The following BMPR1A variants were observed in gnomAD, a reference collection of about 807,000 sequenced individuals.
BMPR1A encodes bone morphogenetic protein receptor type-1A.
Under a neutral mutation model 66.0 loss-of-function variants are expected in BMPR1A, and 7 were observed. The observed-to-expected ratio is 0.11, with a 90% CI of 0.06 to 0.20. The LOEUF (loss-of-function observed/expected upper bound fraction) is 0.20, where lower values mean the gene tolerates loss of function less well. BMPR1A is among the 10% of genes least tolerant of loss of function. BMPR1A has a pLI of 1.00. For missense variants in BMPR1A, 408 were observed against 669.1 expected, an observed-to-expected ratio of 0.61 and a Z score of 4.31; for synonymous variants, 200 against 229.7, an observed-to-expected ratio of 0.87 and a Z score of 1.17.
chr10:86,839,932 G>A (rs557229962), intron 2 of BMPR1A, among the ~76,000 whole-genome samples: 4 of 152,204 alleles, frequency 2.6e-5, no homozygotes, highest in Admixed American at 6.5e-5. Flanking sequence ...AAAGTGCTGG[G>A]ATTACAGGCA....
chr10:86,791,215 CT>C (rs33919307), intron 1 of BMPR1A, among the ~76,000 whole-genome samples: 54,819 of 141,590 alleles, frequency 0.39, 10,145 homozygotes, highest in East Asian at 0.7. Flanking sequence ...TCAGTGCTTG[CT>C]TTTTTTTTTT....
chr10:86,821,144 A>G (rs4933415), intron 1 of BMPR1A, among the ~76,000 whole-genome samples: 47,404 of 152,090 alleles, frequency 0.31, 8,452 homozygotes, highest in East Asian at 0.69. Flanking sequence ...GTGGCATAAC[A>G]TTTGTAGTTA....
At chr10:86,841,097 A>T (rs975752995) in intron 2 of BMPR1A, among the ~76,000 whole-genome samples, 1 of 152,210 alleles carries the variant, frequency 6.6e-6, no homozygotes, top group Non-Finnish European at 1.5e-5. Flanking sequence ...AAGATAGTGT[A>T]GCTTTGCCTT....
downstream of BMPR1A, chr10:86,931,902 T>C (rs1843814188): frequency 1.3e-5 from 2 of 152,236 alleles, no homozygotes; most frequent in African/African-American, 2.4e-5. Flanking sequence ...CCTAGATGTT[T>C]CTTCCATAAT....
intron 1 of BMPR1A, among the ~76,000 whole-genome samples, chr10:86,760,927 A>G (rs1383963167): frequency 6.6e-6 from 1 of 152,232 alleles, no homozygotes; most frequent in East Asian, 1.9e-4. Flanking sequence ...CAGTAGTGTT[A>G]CAGACCACTT....
intron 2 of BMPR1A, among the ~76,000 whole-genome samples, chr10:86,845,615 T>C (rs1049705893): frequency 6.6e-6 from 1 of 152,190 alleles, no homozygotes. Flanking sequence ...TCTGCTGTGG[T>C]CTGCCCCTTT....
chr10:86,823,332 T>A (rs927245952), intron 1 of BMPR1A, among the ~76,000 whole-genome samples: 5 of 152,232 alleles, frequency 3.3e-5, no homozygotes, highest in African/African-American at 1.2e-4. Context: ...TGCCTGGCAC[T>A]GTTCTAAGTG....
chr10:86,797,232 T>TC (rs1208301318), intron 1 of BMPR1A, among the ~76,000 whole-genome samples: 1 of 112,444 alleles, frequency 8.9e-6, no homozygotes, highest in Non-Finnish European at 2.0e-5. Context: ...GCCCGGCTAA[T>TC]TTTTTTTTTT....
intron 8 of BMPR1A, among the ~76,000 whole-genome samples, chr10:86,913,594 A>G (rs55802203): frequency 0.056 from 8,534 of 152,250 alleles, 606 homozygotes; most frequent in African/African-American, 0.16. Flanking sequence ...AGGTTGCAGA[A>G]TACAGAGTCA....
intron 1 of BMPR1A, among the ~76,000 whole-genome samples, chr10:86,800,672 C>T (rs1841800233): frequency 6.6e-6 from 1 of 152,188 alleles, no homozygotes. Context: ...GGATTACAGG[C>T]ATGAGCCACC....
Position 86,838,934 on chromosome 10 carries a change from T to G in BMPR1A, c.-198T>G, listed in dbSNP as rs563500924. The G allele has an allele frequency of 5.9e-5, 9 of 152,310 alleles. No individual in the cohort carries two copies. In the South Asian group the frequency reaches 1.9e-3, roughly 32 times the overall value. 9.4% of individuals were successfully genotyped at this position (152,310 alleles called of 1,614,324 possible). On this transcript the variant is annotated 5_prime_UTR_variant, in exon 2 of 13. Transcript: ENST00000372037. ...GAGATGGAAGCATAGGTCAAAGCTG[T>G]TTGGAGAAAATCAGAAGTACAGTTT...
chr10:86,834,853 T>C (rs942780811), intron 1 of BMPR1A, among the ~76,000 whole-genome samples: 2 of 152,170 alleles, frequency 1.3e-5, no homozygotes, highest in Admixed American at 6.5e-5. Flanking sequence ...ATATAGATTG[T>C]TTTGTAATTT....
At chr10:86,855,920 A>G in intron 2 of BMPR1A, 1 of 653,976 alleles carries the variant, frequency 1.5e-6, no homozygotes, top group Non-Finnish European at 2.8e-6. Flanking sequence ...AGGATTGTTG[A>G]TATCTGATGT....
chr10:86,826,724 AT>A (rs1842201097), intron 1 of BMPR1A, among the ~76,000 whole-genome samples: 1 of 151,880 alleles, frequency 6.6e-6, no homozygotes, highest in African/African-American at 2.4e-5. Context: ...ATAGTTTAGT[AT>A]TTGTTTTAAT....
At position 86,890,803 on chromosome 10, in the gene BMPR1A, C is replaced by T. The variant is rs1410645847; in HGVS notation, c.230+579C>T. Among the ~76,000 whole-genome samples the T allele has an allele frequency of 2.6e-5, 4 of 151,988 alleles. No homozygotes were observed. In the East Asian group the frequency reaches 7.7e-4, roughly 29 times the overall value. On this transcript the variant is annotated intron_variant, in intron 4 of 12. Coordinates refer to ENST00000372037, the MANE Select transcript of BMPR1A (RefSeq NM_004329.3). Reference sequence around the variant, plus strand: ...TCATATTGTGTTAATTAATTTTATGCTTTTTTCTTACCTGTGAATTTACCA... The same window carrying T: ...TCATATTGTGTTAATTAATTTTATGTTTTTTTCTTACCTGTGAATTTACCA...
chr10:86,775,099 GA>G (rs1332669142), intron 1 of BMPR1A, among the ~76,000 whole-genome samples: 1 of 152,236 alleles, frequency 6.6e-6, no homozygotes, highest in Non-Finnish European at 1.5e-5. Context: ...GGGAAGGTCA[GA>G]ATGTGTACTG....
rs560625103 is a variant in BMPR1A at position 86,806,536 on chromosome 10, C to T, written c.-267-32329C>T. Among the ~76,000 whole-genome samples the T allele has an allele frequency of 8.5e-5, 13 of 152,200 alleles. No individual in the cohort carries two copies. In the East Asian group the frequency reaches 2.5e-3, roughly 29 times the overall value. On this transcript the variant is annotated intron_variant, in intron 1 of 12. Coordinates refer to ENST00000372037, the MANE Select transcript of BMPR1A (RefSeq NM_004329.3). Reference sequence around the variant, plus strand: ...CACTATGGAGTGATAGACTCCATTTCGTTCAATGAGTTATAGTCCTTATGG... The same window carrying T: ...CACTATGGAGTGATAGACTCCATTTTGTTCAATGAGTTATAGTCCTTATGG...
At chr10:86,770,927 ACATTAAGTTCC>A (rs1475018652) in intron 1 of BMPR1A, among the ~76,000 whole-genome samples, 5 of 152,190 alleles carry the variant, frequency 3.3e-5, no homozygotes, top group African/African-American at 9.6e-5. Flanking sequence ...GCCTTTGGAC[ACATTAAGTTCC>A]CATTAAGTTC....
At chr10:86,895,060 C>G (rs1241934281) in intron 5 of BMPR1A, among the ~76,000 whole-genome samples, 1 of 152,116 alleles carries the variant, frequency 6.6e-6, no homozygotes, top group Non-Finnish European at 1.5e-5. Flanking sequence ...AGGTTCCAAA[C>G]GGTGTTGTAA....
Sources: allele counts gnomAD v4.1 joint callset (sites outside exome capture counted in the v4.1 genomes callset), GRCh38; gene constraint gnomAD v4.1.1; transcripts MANE v1.5; gene names NCBI Gene and HGNC (gene_info 2026-07-23, HGNC 2026-07-21).